The following DIAPH3 variants were observed in gnomAD, a reference collection of about 807,000 sequenced individuals.
DIAPH3 encodes protein diaphanous homolog 3.
In DIAPH3, 117 loss-of-function variants were observed where a neutral mutation model predicts 144.3. That is an observed-to-expected ratio of 0.81 (90% CI 0.70 to 0.95). The LOEUF is 0.95. DIAPH3 is among the 40% of genes least tolerant of loss of function. The pLI, the probability that DIAPH3 is intolerant of heterozygous loss-of-function variation, is 0.00. For missense variants in DIAPH3, 1,421 were observed against 1,412.7 expected (o/e 1.01, Z -0.09); for synonymous variants, 519 against 488.9 (o/e 1.06, Z -0.81).
chr13:59,711,595 G>C (rs552661156), intron 27 of DIAPH3, among the ~76,000 whole-genome samples: 2 of 152,206 alleles, frequency 1.3e-5, no homozygotes, highest in Admixed American at 6.5e-5. Flanking sequence ...TGATGAGCTA[G>C]AAGTAAACTA....
intron 1 of DIAPH3, among the ~76,000 whole-genome samples, chr13:60,157,686 A>G (rs1218137981): frequency 1.3e-5 from 2 of 152,180 alleles, no homozygotes; most frequent in Admixed American, 1.3e-4. Flanking sequence ...AACATTGTGA[A>G]TGTATGGTGT....
At chr13:59,945,594 T>G (rs369486587) in intron 17 of DIAPH3, among the ~76,000 whole-genome samples, 5 of 151,328 alleles carry the variant, frequency 3.3e-5, no homozygotes, top group African/African-American at 1.2e-4. Flanking sequence ...GAATATGACT[T>G]GTATATCCAA....
intron 5 of DIAPH3, among the ~76,000 whole-genome samples, chr13:60,024,194 C>A (rs2054229266): frequency 6.6e-6 from 1 of 152,056 alleles, no homozygotes; most frequent in Non-Finnish European, 1.5e-5. Context: ...TTTATCCTGT[C>A]CTCTTTCTCC....
chr13:59,866,882 T>G (rs1766156017), intron 21 of DIAPH3, among the ~76,000 whole-genome samples: 1 of 151,730 alleles, frequency 6.6e-6, no homozygotes, highest in South Asian at 2.1e-4. Flanking sequence ...TATAACACAA[T>G]TGCTCAGACA....
intron 17 of DIAPH3, among the ~76,000 whole-genome samples, chr13:59,946,884 GC>G (rs2048828553): frequency 6.6e-6 from 1 of 152,136 alleles, no homozygotes; most frequent in African/African-American, 2.4e-5. Context: ...TAAAATGGAT[GC>G]TGAAGTGTTG....
chr13:59,797,263 C>T (rs2039661234), intron 25 of DIAPH3, among the ~76,000 whole-genome samples: 1 of 152,102 alleles, frequency 6.6e-6, no homozygotes, highest in Non-Finnish European at 1.5e-5. Flanking sequence ...TGTCTCCTGC[C>T]AGAATATATG....
intron 5 of DIAPH3, among the ~76,000 whole-genome samples, chr13:60,019,741 G>A (rs1201884619): frequency 6.6e-6 from 1 of 152,106 alleles, no homozygotes; most frequent in East Asian, 1.9e-4. Context: ...GGATGAAACT[G>A]AAAGTGTGTA....
At position 59,987,510 on chromosome 13, in the gene DIAPH3, C is replaced by T. The variant is rs1451408166; in HGVS notation, c.1362-3623G>A. ...AAAAAGAAAAAAAAAAAAGACCAAA[C>T]CAAAAAAAAAAAAAGTTATTTGAGA... On this transcript the variant is annotated intron_variant, in intron 12 of 27. Coordinates refer to ENST00000400324, the MANE Select transcript of DIAPH3 (RefSeq NM_001042517.2). 4.8e-5 allele frequency among the ~76,000 whole-genome samples: 4 copies of T among 82,872 alleles called. No homozygotes were observed. The East Asian group carries it at 6.7e-4, about 14-fold the overall frequency. The allele number at this position is 82,872 out of a possible 152,430, so 54.4% of individuals were successfully genotyped here. A position where few individuals can be genotyped will look rare whatever the true frequency, so the allele number is the denominator to read the frequency against.
At chr13:60,142,958 G>A (rs1334612349) in intron 1 of DIAPH3, among the ~76,000 whole-genome samples, 1 of 148,906 alleles carries the variant, frequency 6.7e-6, no homozygotes. Flanking sequence ...CCACTATGTT[G>A]CCCAGACTGG....
intron 4 of DIAPH3, among the ~76,000 whole-genome samples, chr13:60,066,079 T>C (rs1006365217): frequency 6.6e-6 from 1 of 152,188 alleles, no homozygotes; most frequent in African/African-American, 2.4e-5. Context: ...GTATAATTTT[T>C]AAGTGTCATT....
chr13:59,983,821 A>T lies in DIAPH3; in HGVS notation c.1428T>A (p.Asp476Glu). The T allele has an allele frequency of 6.2e-7, 1 of 1,610,324 alleles. No individual in the cohort carries two copies. Among genetic ancestry groups the T allele is most frequent in the Non-Finnish European group, 8.5e-7 (1 of 1,177,496 alleles). ...SQIVLHRDGM[D>E]PDFTYRKRLD... Reference sequence around the variant, plus strand: ...GTCTTTTTCGATATGTGAAGTCTGGATCCATTCCATCTCTATGCAATACAA... The same window carrying T: ...GTCTTTTTCGATATGTGAAGTCTGGTTCCATTCCATCTCTATGCAATACAA... Residue 476 changes from aspartate (D) to glutamate (E), a missense_variant, in exon 13 of 28, where the codon GAT becomes GAA. Transcript: ENST00000400324.
At chr13:60,155,251 C>T (rs781717627) in intron 1 of DIAPH3, among the ~76,000 whole-genome samples, 1 of 152,146 alleles carries the variant, frequency 6.6e-6, no homozygotes, top group Admixed American at 6.5e-5. Context: ...TAATTAAAGA[C>T]ATGAGTCTTT....
chr13:59,716,337 G>A (rs574915480), intron 27 of DIAPH3, among the ~76,000 whole-genome samples: 59 of 152,038 alleles, frequency 3.9e-4, no homozygotes, highest in Non-Finnish European at 7.4e-4. Context: ...CACCACGCCC[G>A]GCTAATTTTT....
intron 1 of DIAPH3, among the ~76,000 whole-genome samples, chr13:60,152,932 G>C (rs1794497354): frequency 6.6e-6 from 1 of 152,150 alleles, no homozygotes; most frequent in South Asian, 2.1e-4. Flanking sequence ...TCATCTCTGG[G>C]TACCCCAAAC....
chr13:59,769,504 C>T (rs867478754), intron 27 of DIAPH3, among the ~76,000 whole-genome samples: 1 of 151,992 alleles, frequency 6.6e-6, no homozygotes, highest in Non-Finnish European at 1.5e-5. Flanking sequence ...ATTAGCAATT[C>T]TCTGTGGGGG....
intron 27 of DIAPH3, among the ~76,000 whole-genome samples, chr13:59,687,918 A>G (rs1412018601): frequency 1.3e-5 from 2 of 152,050 alleles, no homozygotes; most frequent in African/African-American, 2.4e-5. Flanking sequence ...GTGGTCAAAA[A>G]CATATTGGTG....
intron 3 of DIAPH3, among the ~76,000 whole-genome samples, chr13:60,094,067 T>C (rs1289353540): frequency 2.6e-5 from 4 of 152,236 alleles, no homozygotes; most frequent in Non-Finnish European, 5.9e-5. Context: ...TATATTTATT[T>C]ATTTTTACAA....
chr13:59,967,357 G>A (rs75570339), intron 17 of DIAPH3, among the ~76,000 whole-genome samples: 5,554 of 151,982 alleles, frequency 0.037, 133 homozygotes, highest in East Asian at 0.075. Context: ...TTACAGGCGG[G>A]AGCCATTGCA....
intron 25 of DIAPH3, among the ~76,000 whole-genome samples, chr13:59,802,399 T>C (rs2039948077): frequency 6.6e-6 from 1 of 151,746 alleles, no homozygotes. Context: ...ACAATTATCA[T>C]TAATTTTATC....
Sources: gnomAD v4.1 joint callset for allele counts (sites outside exome capture counted in the v4.1 genomes callset) on GRCh38, gnomAD v4.1.1 for gene constraint, MANE v1.5 for transcripts, NCBI Gene and HGNC (gene_info 2026-07-23, HGNC 2026-07-21) for gene names.